The following DIAPH3 variants were observed in gnomAD, a reference collection of about 807,000 sequenced individuals.
DIAPH3 encodes the protein protein diaphanous homolog 3.
DIAPH3 carries 117 observed loss-of-function variants against 144.3 expected under a neutral mutation model. The observed-to-expected ratio is 0.81, with a 90% CI of 0.70 to 0.95. DIAPH3 has a LOEUF of 0.95. Ranked by LOEUF, DIAPH3 falls within the 40% of genes least tolerant of loss-of-function variation. The pLI is 0.00. For missense variants in DIAPH3, 1,421 were observed against 1,412.7 expected (o/e 1.01, Z -0.09); for synonymous variants, 519 against 488.9 (o/e 1.06, Z -0.81).
At chr13:60,016,582 G>C (rs1455148306) in intron 5 of DIAPH3, among the ~76,000 whole-genome samples, 1 of 152,092 alleles carries the variant, frequency 6.6e-6, no homozygotes, top group Non-Finnish European at 1.5e-5. Flanking sequence ...TTGTACAAGT[G>C]AGTAAAGATC....
intron 4 of DIAPH3, among the ~76,000 whole-genome samples, chr13:60,056,510 T>C (rs993862723): frequency 6.6e-6 from 1 of 151,796 alleles, no homozygotes; most frequent in Non-Finnish European, 1.5e-5. Flanking sequence ...TTTTATTTTA[T>C]TTTTCCTAGC....
At chr13:59,810,518 T>A (rs1225938282) in intron 25 of DIAPH3, among the ~76,000 whole-genome samples, 2 of 152,130 alleles carry the variant, frequency 1.3e-5, no homozygotes, top group Non-Finnish European at 2.9e-5. Flanking sequence ...ATTATTGAGG[T>A]AGTAATTAAA....
chr13:59,993,218 A>G (rs889010627), intron 9 of DIAPH3, among the ~76,000 whole-genome samples: 5 of 151,884 alleles, frequency 3.3e-5, no homozygotes, highest in African/African-American at 1.2e-4. Flanking sequence ...AAATGATAAA[A>G]ATTTTTAAAT....
intron 14 of DIAPH3, among the ~76,000 whole-genome samples, chr13:59,975,128 A>G (rs1395610641): frequency 6.6e-6 from 1 of 151,972 alleles, no homozygotes; most frequent in Non-Finnish European, 1.5e-5. Flanking sequence ...ATTCAAACAC[A>G]TTCAACTTTG....
At position 59,666,818 on chromosome 13, in the gene DIAPH3, C is replaced by G; in HGVS notation, c.3348G>C (p.Gly1116=). 1 of 1,614,018 alleles carries G rather than the reference C, an allele frequency of 6.2e-7. No individual in the cohort carries two copies. Among genetic ancestry groups the G allele is most frequent in the East Asian group, 2.2e-5 (1 of 44,854 alleles). ...AATTGATATTGTAGTGTGAACGTGA[C>G]CCTTCTGTCAACTGCACTTTCTGAT... ...HENQKVQLTE[G]SRSHYNINCN... The change falls in exon 28 of 28, where the codon GGG becomes GGC. Residue 1116 remains glycine, a synonymous_variant. Coordinates refer to ENST00000400324, the MANE Select transcript of DIAPH3 (RefSeq NM_001042517.2).
intron 1 of DIAPH3, among the ~76,000 whole-genome samples, chr13:60,137,062 C>G (rs2059303979): frequency 6.6e-6 from 1 of 152,206 alleles, no homozygotes; most frequent in Non-Finnish European, 1.5e-5. Flanking sequence ...CCTTCTTCCT[C>G]TGGTCCTATG....
intron 21 of DIAPH3, among the ~76,000 whole-genome samples, chr13:59,867,194 T>G (rs1444029528): frequency 6.6e-6 from 1 of 151,384 alleles, no homozygotes; most frequent in Non-Finnish European, 1.5e-5. Context: ...ACAAGATGGT[T>G]GAGGCAGGAG....
intron 25 of DIAPH3, among the ~76,000 whole-genome samples, chr13:59,805,875 T>C (rs1381078575): frequency 6.6e-6 from 1 of 152,004 alleles, no homozygotes; most frequent in African/African-American, 2.4e-5. Flanking sequence ...TCTGAAATGA[T>C]AGTGATAGTA....
chr13:60,162,698 GT>G (rs1441031729), intron 1 of DIAPH3, among the ~76,000 whole-genome samples: 5 of 151,670 alleles, frequency 3.3e-5, no homozygotes, highest in Non-Finnish European at 7.4e-5. Flanking sequence ...TTAGCAACTG[GT>G]TCACAAACCA....
intron 24 of DIAPH3, among the ~76,000 whole-genome samples, chr13:59,818,614 C>T (rs574074725): frequency 6.6e-6 from 1 of 151,844 alleles, no homozygotes; most frequent in Admixed American, 6.6e-5. Context: ...TCTAAGCCAC[C>T]ATTTTGAATA....
intron 3 of DIAPH3, among the ~76,000 whole-genome samples, chr13:60,098,689 C>T (rs1341161707): frequency 6.6e-6 from 1 of 152,106 alleles, no homozygotes; most frequent in African/African-American, 2.4e-5. Context: ...TTAACTCCTC[C>T]TTCCATTCAA....
chr13:60,010,725 A>G, intron 7 of DIAPH3, 56 bp from the exon 8 acceptor site: 2 of 1,543,494 alleles, frequency 1.3e-6, no homozygotes, highest in South Asian at 1.2e-5. Context: ...GAAAAATAAT[A>G]CCCTGAAGGA....
chr13:59,807,193 G>A (rs1199710150), intron 25 of DIAPH3, among the ~76,000 whole-genome samples: 1 of 126,834 alleles, frequency 7.9e-6, no homozygotes, highest in Non-Finnish European at 1.7e-5. Flanking sequence ...TAATAATTGT[G>A]TTGATTTTAA....
intron 2 of DIAPH3, among the ~76,000 whole-genome samples, chr13:60,125,632 A>G (rs1164960250): frequency 6.6e-6 from 1 of 152,034 alleles, no homozygotes; most frequent in Non-Finnish European, 1.5e-5. Flanking sequence ...CGCTAATGAG[A>G]GATGCATTAT....
chr13:60,152,614 AAAGAT>A (rs1486893047), intron 1 of DIAPH3, among the ~76,000 whole-genome samples: 2 of 151,782 alleles, frequency 1.3e-5, no homozygotes, highest in African/African-American at 2.4e-5. Context: ...AGAAGGAGAT[AAAGAT>A]AAGAAGGGAG....
intron 5 of DIAPH3, among the ~76,000 whole-genome samples, chr13:60,036,553 G>A (rs2055240387): frequency 6.6e-6 from 1 of 151,172 alleles, no homozygotes; most frequent in Non-Finnish European, 1.5e-5. Flanking sequence ...ATATCAAAGA[G>A]AAAGGAAGAA....
At chr13:59,898,178 A>G (rs1237732892) in intron 20 of DIAPH3, among the ~76,000 whole-genome samples, 3 of 151,738 alleles carry the variant, frequency 2.0e-5, no homozygotes, top group Admixed American at 6.6e-5. Flanking sequence ...AAGAAAAAAA[A>G]AGAGAATGAT....
chr13:59,673,697 G>A (rs549407237), intron 27 of DIAPH3, among the ~76,000 whole-genome samples: 14 of 152,156 alleles, frequency 9.2e-5, no homozygotes, highest in Non-Finnish European at 1.6e-4. Context: ...GATGGGTACG[G>A]GAGCTTGAGC....
intron 27 of DIAPH3, among the ~76,000 whole-genome samples, chr13:59,681,856 C>T (rs2032969008): frequency 6.6e-6 from 1 of 152,174 alleles, no homozygotes; most frequent in Admixed American, 6.5e-5. Flanking sequence ...TCCAATTCAG[C>T]TCCTGGCTCC....
Sources: gnomAD v4.1 joint callset for allele counts (sites outside exome capture counted in the v4.1 genomes callset) on GRCh38, gnomAD v4.1.1 for gene constraint, MANE v1.5 for transcripts, NCBI Gene and HGNC (gene_info 2026-07-23, HGNC 2026-07-21) for gene names.